Variants in ZMYM5 observed in about 807,000 individuals in gnomAD.
The protein encoded by ZMYM5 is zinc finger MYM-type protein 5.
In ZMYM5, 41 loss-of-function variants were observed where a neutral mutation model predicts 61.8. The ratio of observed to expected loss-of-function variants is 0.66; its 90% CI spans 0.52 to 0.86. The LOEUF is 0.86. ZMYM5 is among the 40% of genes least tolerant of loss of function. The probability of loss-of-function intolerance (pLI) is 0.00; values close to 1 mark genes in which losing one functional copy is unlikely to be tolerated. For missense variants in ZMYM5, 706 were observed against 786.7 expected (o/e 0.90, Z 1.23); for synonymous variants, 257 against 276.4 (o/e 0.93, Z 0.70).
chr13:19,839,293 A>G (rs571254351), intron 4 of ZMYM5, among the ~76,000 whole-genome samples: 14 of 152,324 alleles, frequency 9.2e-5, no homozygotes, highest in African/African-American at 2.2e-4. Context: ...TATTATACAA[A>G]TATACTAATT....
rs763731456 is a variant in ZMYM5, at chr13:19,851,860, T to C, written c.321A>G (p.Ala107=). 9 of 1,611,944 alleles carry C rather than the reference T, an allele frequency of 5.6e-6. No individual in the cohort carries two copies. The highest frequency in any genetic ancestry group is 1.1e-5 in the South Asian group (1 of 90,450). ...TCTCACTTATATTTCCTTTCTGAGA[T>C]GCCAAATCTCTTGAAGAAGGAGGAA... The part of the protein sequence containing the change: ...SVIPPSSRDL[A]SQKGNISETI... Residue 107 remains alanine, a synonymous_variant, in exon 3 of 8, where the codon GCA becomes GCG. Coordinates refer to ENST00000337963, the MANE Select transcript of ZMYM5 (RefSeq NM_001142684.2).
In ZMYM5 at chr13:19,835,672, G is replaced by A. The variant is rs921771175; in HGVS notation, c.1056C>T (p.Ser352=). The A allele has an allele frequency of 3.7e-6, 5 of 1,367,352 alleles. No individual in the cohort carries two copies. The highest frequency in any genetic ancestry group is 3.0e-5 in the African/African-American group (2 of 67,706). 84.7% of individuals were successfully genotyped at this position (1,367,352 alleles called of 1,614,324 possible). A position where few individuals can be genotyped will look rare whatever the true frequency, so the allele number is the denominator to read the frequency against. ...ACAGTTTATGTGTTACATTATTTACGCTGACTTCATGGCGAATCTAAAAGA... is the reference window on the plus strand; with the variant it reads ...ACAGTTTATGTGTTACATTATTTACACTGACTTCATGGCGAATCTAAAAGA... ...SKLAEIRHEV[S]VNNVTHKLCS... Residue 352 remains serine, a synonymous_variant, in exon 7 of 8, where the codon AGC becomes AGT. Transcript: ENST00000337963.
intron 2 of ZMYM5, among the ~76,000 whole-genome samples, chr13:19,857,386 T>C (rs573849237): frequency 3.2e-4 from 49 of 152,344 alleles, no homozygotes; most frequent in Admixed American, 6.5e-4. Context: ...TGAATAAATG[T>C]ACTTTGACCT....
chr13:19,837,773 G>T lies in ZMYM5; in HGVS notation c.921C>A (p.Ser307Arg). 6.3e-7 allele frequency: 1 copy of T among 1,592,514 alleles called. No homozygotes were observed. The highest frequency in any genetic ancestry group is 8.5e-7 in the Non-Finnish European group (1 of 1,175,214). ...TACTATAAAATTCTTGGAAGGATTT[G>T]CTTGATTCTACTGGAAGAATGACAT... ...KANVILPVES[S>R]KSFQEFYSTS... is the part of the protein sequence containing the mutation. Residue 307 changes from serine to arginine, a missense_variant, in exon 6 of 8, where the codon AGC becomes AGA. By Grantham distance (110) the Ser-to-Arg change is moderately radical. Around this residue, in one of 2 missense-constraint regions of ZMYM5, gnomAD observed 480 missense variants for 461.7 expected, o/e 1.04. Transcript: ENST00000337963.
At chr13:19,860,101 CAAAAAAA>C (rs537760988) in intron 2 of ZMYM5, among the ~76,000 whole-genome samples, 501 of 31,320 alleles carry the variant, frequency 0.016, 5 homozygotes, top group African/African-American at 0.052. Flanking sequence ...AAGACTGTCT[CAAAAAAA>C]AAAAAAAAAA....
chr13:19,838,765 A>G lies in ZMYM5; in HGVS notation c.807T>C (p.Ser269=), dbSNP rs1377259042. 1.6e-5 allele frequency: 26 copies of G among 1,614,118 alleles called. No individual in the cohort carries two copies. The highest frequency in any genetic ancestry group is 2.2e-5 in the Non-Finnish European group (26 of 1,180,052). ...GAGAGAAGGAAGAAAGGCAGGTGGT[A>G]GAGCAAAAGAGGTGAGCTGATCCTT... ...QRKGSAHLFC[S]TTCLSSFSHK... Residue 269 remains serine (S), a synonymous_variant, in exon 5 of 8, where the codon TCT becomes TCC. Transcript: ENST00000337963.
chr13:19,830,777 C>T (rs576034006), intron 7 of ZMYM5, among the ~76,000 whole-genome samples: 65 of 151,894 alleles, frequency 4.3e-4, no homozygotes, highest in Non-Finnish European at 7.8e-4. Flanking sequence ...CCACTCGCCT[C>T]AGCCTCCACA....
intron 4 of ZMYM5, among the ~76,000 whole-genome samples, chr13:19,841,355 C>T (rs1303258455): frequency 6.6e-6 from 1 of 152,156 alleles, no homozygotes; most frequent in Non-Finnish European, 1.5e-5. Flanking sequence ...ATCAGTACTC[C>T]TCTTTGCAGG....
chr13:19,853,243 T>C (rs944908872), intron 2 of ZMYM5, among the ~76,000 whole-genome samples: 1 of 152,172 alleles, frequency 6.6e-6, no homozygotes, highest in African/African-American at 2.4e-5. Flanking sequence ...GCAGAGACAA[T>C]AGTTGAAAAA....
intron 7 of ZMYM5, among the ~76,000 whole-genome samples, chr13:19,827,306 AAG>A (rs1051439823): frequency 3.9e-5 from 6 of 152,196 alleles, no homozygotes; most frequent in African/African-American, 1.2e-4. Context: ...CACAAATATG[AAG>A]AGAGAGCTCT....
intron 3 of ZMYM5, 26 bp downstream of exon 3, chr13:19,851,663 C>T: frequency 7.7e-6 from 12 of 1,552,320 alleles, no homozygotes; most frequent in Admixed American, 2.1e-5. Flanking sequence ...TGTAGTGATA[C>T]CACTATTACC....
At chr13:19,848,869 T>C (rs1052427403) in intron 4 of ZMYM5, among the ~76,000 whole-genome samples, 8 of 152,108 alleles carry the variant, frequency 5.3e-5, no homozygotes, top group Non-Finnish European at 1.2e-4. Context: ...GGACTACAGG[T>C]GCACGCCACT....
chr13:19,855,555 C>T (rs1233993781), intron 2 of ZMYM5, among the ~76,000 whole-genome samples: 1 of 151,212 alleles, frequency 6.6e-6, no homozygotes, highest in African/African-American at 2.5e-5. Context: ...AGCCACCGCG[C>T]CCGGCCCACA....
chr13:19,837,445 A>C (rs1488085632), intron 6 of ZMYM5: 3 of 1,554,442 alleles, frequency 1.9e-6, no homozygotes, highest in Non-Finnish European at 2.6e-6. Context: ...ATTCCATAGA[A>C]ACAGATGTGT....
At chr13:19,846,357 T>A (rs1819945695) in intron 4 of ZMYM5, among the ~76,000 whole-genome samples, 1 of 152,144 alleles carries the variant, frequency 6.6e-6, no homozygotes, top group South Asian at 2.1e-4. Flanking sequence ...TGGAATACCA[T>A]TTTTACTTGA....
chr13:19,852,820 T>A (rs9578227), intron 2 of ZMYM5, among the ~76,000 whole-genome samples: 12,231 of 152,236 alleles, frequency 0.08, 516 homozygotes, highest in Middle Eastern at 0.13. Flanking sequence ...CACATAACAC[T>A]GGGAGTAAGA....
chr13:19,835,464 G>A lies in ZMYM5; in HGVS notation c.1251+13C>T, dbSNP rs1455599633. On this transcript the variant is annotated intron_variant, in intron 7 of 7. Coordinates refer to ENST00000337963, the MANE Select transcript of ZMYM5 (RefSeq NM_001142684.2). ...ATATATTTGATCATTTAAAGCTCAT[G>A]AAAAAGAATTACCTGTTTATATTCG... 7.4e-7 allele frequency: 1 copy of A among 1,360,206 alleles called. No homozygotes were observed. Among genetic ancestry groups the A allele is most frequent in the Non-Finnish European group, 9.8e-7 (1 of 1,016,456 alleles). 84.3% of individuals were successfully genotyped at this position (1,360,206 alleles called of 1,614,324 possible).
At chr13:19,860,961 T>C (rs1208499596) in intron 2 of ZMYM5, among the ~76,000 whole-genome samples, 1 of 150,372 alleles carries the variant, frequency 6.7e-6, no homozygotes, top group Non-Finnish European at 1.5e-5. Flanking sequence ...TGTGTGTGTG[T>C]GTCTCAAACC....
intron 4 of ZMYM5, among the ~76,000 whole-genome samples, chr13:19,840,746 G>A (rs1168516992): frequency 7.9e-5 from 12 of 151,448 alleles, no homozygotes; most frequent in African/African-American, 2.2e-4. Context: ...GTGCGATCTC[G>A]GCTCACTGCA....
Sources: allele counts gnomAD v4.1 joint callset (sites outside exome capture counted in the v4.1 genomes callset), GRCh38; gene constraint gnomAD v4.1.1; regional missense constraint gnomAD v4.1.1; transcripts MANE v1.5; gene names NCBI Gene and HGNC (gene_info 2026-07-23, HGNC 2026-07-21).